Variants in CPS1 observed in about 807,000 individuals in gnomAD.
CPS1 encodes the protein carbamoyl-phosphate synthase 1.
Under a neutral mutation model 174.6 loss-of-function variants are expected in CPS1, and 109 were observed. The ratio of observed to expected loss-of-function variants is 0.62; its 90% CI spans 0.53 to 0.73. The LOEUF is 0.73. CPS1 is among the 30% of genes least tolerant of loss of function. CPS1 has a pLI of 0.00. For synonymous variants in CPS1, 637 were observed against 632.0 expected (o/e 1.01, Z -0.12); for missense variants, 1,689 against 1,821.9 (o/e 0.93, Z 1.33).
intron 1 of CPS1, among the ~76,000 whole-genome samples, chr2:210,486,105 CACACACACAT>C (rs1260007217): frequency 1.7e-4 from 16 of 92,806 alleles, no homozygotes; most frequent in African/African-American, 6.1e-4. Flanking sequence ...TATATATATA[CACACACACAT>C]ACACACACAC....
chr2:210,640,413 G>A (rs1004851160), intron 24 of CPS1, among the ~76,000 whole-genome samples: 3 of 152,108 alleles, frequency 2.0e-5, no homozygotes, highest in African/African-American at 7.2e-5. Flanking sequence ...ATTTACTCAA[G>A]GACTTTATAC....
Position 210,547,139 on chromosome 2 carries a change from G to A in CPS1, c.4-9580G>A, listed in dbSNP as rs143750643. 3.6e-3 allele frequency among the ~76,000 whole-genome samples: 544 copies of A among 152,174 alleles called. 4 individuals are homozygous for A. Among genetic ancestry groups the A allele is most frequent in the African/African-American group, 0.012 (489 of 41,542 alleles). On this transcript the variant is annotated intron_variant, in intron 1 of 38. Transcript: ENST00000430249. ...GAGCTGAGCCAAAGAATTTACATAT[G>A]TATGAGCCAAGGTCTGAAAATAGAA...
intron 21 of CPS1, among the ~76,000 whole-genome samples, chr2:210,627,947 G>A (rs1699744608): frequency 6.6e-6 from 1 of 151,962 alleles, no homozygotes; most frequent in Non-Finnish European, 1.5e-5. Context: ...TCTTGGTGTT[G>A]TGCTGAACAC....
intron 5 of CPS1, 34 bp downstream of exon 5, chr2:210,579,804 C>A: frequency 6.5e-7 from 1 of 1,550,234 alleles, no homozygotes; most frequent in Non-Finnish European, 8.9e-7. Flanking sequence ...ATCTATGTTT[C>A]TTCGGGTGTG....
At chr2:210,584,387 G>C (rs181644002) in intron 6 of CPS1, among the ~76,000 whole-genome samples, 2 of 152,244 alleles carry the variant, frequency 1.3e-5, no homozygotes, top group African/African-American at 4.8e-5. Context: ...CAAGTAGAAA[G>C]TGAGTGTTAT....
At chr2:210,639,260 T>C (rs1021405997) in intron 23 of CPS1, 45 bp downstream of exon 23, 4 of 1,378,004 alleles carry the variant, frequency 2.9e-6, no homozygotes, top group Non-Finnish European at 4.1e-6. Flanking sequence ...CTAGATTTCA[T>C]AGACAGTTCA....
rs151185036 is a variant in CPS1 at position 210,575,635 on chromosome 2, G to A, written c.237-711G>A. On this transcript the variant is annotated intron_variant, in intron 2 of 37. Coordinates refer to ENST00000233072, the MANE Select transcript of CPS1 (RefSeq NM_001875.5). ...CCATATCAGTACTTTAAAATAGTTA[G>A]TTGGCATCTTTTAACTTAGAAGTCA... 4.7e-3 allele frequency among the ~76,000 whole-genome samples: 721 copies of A among 151,844 alleles called. 2 individuals are homozygous for A. Among genetic ancestry groups the A allele is most frequent in the Non-Finnish European group, 7.3e-3 (494 of 67,934 alleles).
At chr2:210,533,958 C>G (rs1696182193) in intron 1 of CPS1, among the ~76,000 whole-genome samples, 1 of 152,236 alleles carries the variant, frequency 6.6e-6, no homozygotes. Context: ...CACTAGAACT[C>G]TCTCCACTTG....
chr2:210,612,628 A>G (rs1006269174), intron 20 of CPS1, among the ~76,000 whole-genome samples: 7 of 151,924 alleles, frequency 4.6e-5, no homozygotes, highest in Non-Finnish European at 1.0e-4. Context: ...GTCCTTTACT[A>G]TTAACTTTAT....
chr2:210,606,906 G>C lies in CPS1; in HGVS notation c.2157G>C (p.Leu719=). The part of the protein sequence containing the change: ...EYCIIEVNAR[L]SRSSALASKA... ...GCATCATTGAAGTGAATGCCAGACTGTCCCGAAGCTCTGCTCTGGCCTCAA... is the reference window on the plus strand; with the variant it reads ...GCATCATTGAAGTGAATGCCAGACTCTCCCGAAGCTCTGCTCTGGCCTCAA... The change falls in exon 18 of 38, where the codon CTG becomes CTC. Residue 719 remains leucine, a synonymous_variant. Coordinates refer to ENST00000233072, the MANE Select transcript of CPS1 (RefSeq NM_001875.5). 6.2e-7 allele frequency: 1 copy of C among 1,612,478 alleles called. No individual in the cohort carries two copies. Among genetic ancestry groups the C allele is most frequent in the Non-Finnish European group, 8.5e-7 (1 of 1,179,020 alleles).
At chr2:210,603,208 A>G (rs1027915751) in intron 16 of CPS1, among the ~76,000 whole-genome samples, 1 of 151,930 alleles carries the variant, frequency 6.6e-6, no homozygotes. Flanking sequence ...GAATTACTGT[A>G]AGGGCTATTT....
chr2:210,642,686 A>C (rs1257041536), intron 25 of CPS1, 21 bp downstream of exon 25: 2 of 1,602,522 alleles, frequency 1.2e-6, no homozygotes, highest in African/African-American at 2.7e-5. Flanking sequence ...AAAAACAGAA[A>C]AAAAAGAAAA....
At chr2:210,539,487 T>G (rs2106011029) in intron 1 of CPS1, among the ~76,000 whole-genome samples, 1 of 152,298 alleles carries the variant, frequency 6.6e-6, no homozygotes, top group South Asian at 2.1e-4. Context: ...AGTTTTGTCT[T>G]GAGTCCAGTA....
At chr2:210,485,231 C>CA (rs753781683) in intron 1 of CPS1, among the ~76,000 whole-genome samples, 5,832 of 94,116 alleles carry the variant, frequency 0.062, 318 homozygotes, top group African/African-American at 0.16. Flanking sequence ...GACTACATCT[C>CA]AAAAAAAAAA....
Position 210,647,899 on chromosome 2 carries a change from AT to A in CPS1, c.3180del (p.Pro1061GlnfsTer39). 2 of 1,614,054 alleles carry A rather than the reference AT, an allele frequency of 1.2e-6. No homozygotes were observed. Among genetic ancestry groups the A allele is most frequent in the Non-Finnish European group, 1.7e-6 (2 of 1,179,958 alleles). The stretch of plus-strand genomic sequence containing the variant: ...CTGCATCATATCAGTTGGAGGCCAG[AT>A]TCCAAACAACCTGGCAGTTCCTCTA... The part of the protein sequence containing the change: ...GGCIISVGGQ[I>X]PNNLAVPLYK... On this transcript the variant is annotated frameshift_variant, in exon 26 of 38. Coordinates refer to ENST00000233072, the MANE Select transcript of CPS1 (RefSeq NM_001875.5). LOFTEE classifies it high-confidence loss of function.
At chr2:210,625,020 T>G (rs949409187) in intron 21 of CPS1, among the ~76,000 whole-genome samples, 5 of 152,030 alleles carry the variant, frequency 3.3e-5, no homozygotes, top group African/African-American at 4.8e-5. Flanking sequence ...CTAAGCGTGA[T>G]GGGATATATA....
At chr2:210,535,819 G>GT (rs67369344) in intron 1 of CPS1, among the ~76,000 whole-genome samples, 5,707 of 118,120 alleles carry the variant, frequency 0.048, 286 homozygotes, top group African/African-American at 0.061. Context: ...CTTTTTCCTT[G>GT]TTTTTTTTTT....
intron 1 of CPS1, among the ~76,000 whole-genome samples, chr2:210,509,681 G>C (rs1359729215): frequency 6.6e-6 from 1 of 152,172 alleles, no homozygotes; most frequent in Non-Finnish European, 1.5e-5. Flanking sequence ...CTTCAGCAAA[G>C]TCTCAGGATA....
chr2:210,580,845 C>T (rs1028066972), intron 5 of CPS1, among the ~76,000 whole-genome samples: 1 of 139,888 alleles, frequency 7.1e-6, no homozygotes, highest in African/African-American at 2.7e-5. Flanking sequence ...TGGGCGACTA[C>T]AGGACCCTGT....
Sources: gnomAD v4.1 joint callset for allele counts (sites outside exome capture counted in the v4.1 genomes callset) on GRCh38, gnomAD v4.1.1 for gene constraint, MANE v1.5 for transcripts, NCBI Gene and HGNC (gene_info 2026-07-23, HGNC 2026-07-21) for gene names.